Variants in FGGY observed in about 807,000 individuals in gnomAD.
The protein encoded by FGGY is FGGY carbohydrate kinase domain containing, also known as FGGY carbohydrate kinase domain-containing protein.
Under a neutral mutation model 71.3 loss-of-function variants are expected in FGGY, and 72 were observed. That is an observed-to-expected ratio of 1.01 (90% CI 0.84 to 1.23). The LOEUF is 1.23. FGGY is among the 50% of genes most tolerant of loss of function. The pLI is 0.00. For missense variants in FGGY, 668 were observed against 682.3 expected (o/e 0.98, Z 0.23); for synonymous variants, 251 against 250.3 (o/e 1.00, Z -0.02).
At chr1:59,358,644 C>T (rs1019019172) in intron 4 of FGGY, among the ~76,000 whole-genome samples, 7 of 152,188 alleles carry the variant, frequency 4.6e-5, no homozygotes, top group Admixed American at 4.6e-4. Context: ...TCTGTCTGTT[C>T]CTCTACTCAG....
chr1:59,723,117 G>A (rs1447621192), intron 14 of FGGY, among the ~76,000 whole-genome samples: 1 of 152,040 alleles, frequency 6.6e-6, no homozygotes, highest in Non-Finnish European at 1.5e-5. Flanking sequence ...TCTTGTTACT[G>A]GAGACTGGTG....
chr1:59,375,617 C>T (rs957398946), intron 4 of FGGY, among the ~76,000 whole-genome samples: 1 of 152,168 alleles, frequency 6.6e-6, no homozygotes, highest in African/African-American at 2.4e-5. Flanking sequence ...TAGAGGGCTT[C>T]CACATGTGTT....
At chr1:59,387,073 G>A (rs940494208) in intron 5 of FGGY, among the ~76,000 whole-genome samples, 2 of 151,812 alleles carry the variant, frequency 1.3e-5, no homozygotes, top group Non-Finnish European at 2.9e-5. Context: ...TGTGTTTTGG[G>A]TTTATAAGGG....
chr1:59,375,647 G>A (rs778771369), intron 4 of FGGY, among the ~76,000 whole-genome samples: 2 of 152,178 alleles, frequency 1.3e-5, no homozygotes, highest in African/African-American at 2.4e-5. Context: ...GAGAGGAGAG[G>A]TTGGACTGGG....
At chr1:59,642,707 A>T (rs2097047913) in intron 11 of FGGY, among the ~76,000 whole-genome samples, 1 of 151,518 alleles carries the variant, frequency 6.6e-6, no homozygotes, top group African/African-American at 2.4e-5. Context: ...TAGTTAGCGT[A>T]AATGTTGAAA....
At chr1:59,600,090 T>C (rs2153807906) in intron 8 of FGGY, among the ~76,000 whole-genome samples, 1 of 152,266 alleles carries the variant, frequency 6.6e-6, no homozygotes, top group Non-Finnish European at 1.5e-5. Flanking sequence ...GAGGACACTA[T>C]TTGGGTCAGG....
chr1:59,693,204 C>T (rs1385913962), intron 14 of FGGY, among the ~76,000 whole-genome samples: 3 of 152,224 alleles, frequency 2.0e-5, no homozygotes, highest in Non-Finnish European at 4.4e-5. Context: ...GACAGCTTGA[C>T]GTGCTAGAAA....
chr1:59,420,114 T>C (rs2065154504), intron 5 of FGGY, among the ~76,000 whole-genome samples: 1 of 152,228 alleles, frequency 6.6e-6, no homozygotes, highest in Non-Finnish European at 1.5e-5. Flanking sequence ...AAATTTGTTA[T>C]AAGCAGCCGC....
intron 15 of FGGY, among the ~76,000 whole-genome samples, chr1:59,758,637 T>A (rs4636499): frequency 0.03 from 4,614 of 152,290 alleles, 249 homozygotes; most frequent in African/African-American, 0.1. Flanking sequence ...AACTTTAAGC[T>A]CTTGTAAGAA....
chr1:59,491,050 C>CTTT (rs2093827436), intron 6 of FGGY, among the ~76,000 whole-genome samples: 4 of 26 alleles, frequency 0.15, 2 homozygotes, highest in African/African-American at 0.25. Flanking sequence ...TTCCTTCCTT[C>CTTT]CTTCCTTCCT....
chr1:59,604,429 T>G lies in FGGY; in HGVS notation c.904-3374T>G, dbSNP rs79094355. Among the ~76,000 whole-genome samples, 12 of 152,336 alleles carry G rather than the reference T, an allele frequency of 7.9e-5. No individual in the cohort carries two copies. The East Asian group carries it at 1.3e-3, about 17-fold the overall frequency. ...CACAGGATGTCTGAGGAGAAGCATG[T>G]GCTATTCCAGATGAGTGGGCACAAA... On this transcript the variant is annotated intron_variant, in intron 8 of 15. Coordinates refer to ENST00000303721, the MANE Select transcript of FGGY (RefSeq NM_018291.5).
chr1:59,726,178 A>C (rs1254853626), intron 14 of FGGY, among the ~76,000 whole-genome samples: 1 of 152,142 alleles, frequency 6.6e-6, no homozygotes, highest in South Asian at 2.1e-4. Context: ...TTCATTTATC[A>C]ACATGATTAT....
chr1:59,417,390 A>C (rs1022180863), intron 5 of FGGY, among the ~76,000 whole-genome samples: 1 of 152,220 alleles, frequency 6.6e-6, no homozygotes, highest in Non-Finnish European at 1.5e-5. Flanking sequence ...GCTGCTGTGA[A>C]CACTGATTGA....
intron 15 of FGGY, among the ~76,000 whole-genome samples, chr1:59,761,435 C>T (rs1469138608): frequency 6.6e-6 from 1 of 152,214 alleles, no homozygotes; most frequent in Non-Finnish European, 1.5e-5. Context: ...ACCAAAATTT[C>T]ATCATGAGGA....
intron 1 of FGGY, among the ~76,000 whole-genome samples, chr1:59,308,806 TTTA>T (rs1423041295): frequency 6.6e-6 from 1 of 152,214 alleles, no homozygotes; most frequent in Non-Finnish European, 1.5e-5. Flanking sequence ...TGCTCTATTC[TTTA>T]TTAAAAAATA....
chr1:59,540,216 A>G (rs1176433582), intron 7 of FGGY, among the ~76,000 whole-genome samples: 6 of 152,210 alleles, frequency 3.9e-5, no homozygotes, highest in Admixed American at 3.3e-4. Context: ...ATGATAGGCT[A>G]TGATTCAGCA....
intron 5 of FGGY, among the ~76,000 whole-genome samples, chr1:59,454,022 A>G (rs1250507972): frequency 6.6e-6 from 1 of 152,186 alleles, no homozygotes; most frequent in East Asian, 1.9e-4. Context: ...GTACCTCAAG[A>G]GAGAGAGCCA....
intron 14 of FGGY, among the ~76,000 whole-genome samples, chr1:59,715,377 G>A (rs963455955): frequency 1.3e-5 from 2 of 152,128 alleles, no homozygotes; most frequent in Non-Finnish European, 2.9e-5. Context: ...GGATTCAAAG[G>A]CAAAAAGTTG....
rs1461204088 is a variant in FGGY, at chr1:59,500,712, C to A, written c.671-11599C>A. Among the ~76,000 whole-genome samples the A allele has an allele frequency of 2.7e-5, 4 of 146,002 alleles. No individual in the cohort carries two copies. In the East Asian group the frequency reaches 7.9e-4, roughly 29 times the overall value. ...GGAAGAAACATGTAAAAAGACAGACCATTTCTAAGATGAAATGTGTGCTTT... is the reference window on the plus strand; with the variant it reads ...GGAAGAAACATGTAAAAAGACAGACAATTTCTAAGATGAAATGTGTGCTTT... On this transcript the variant is annotated intron_variant, in intron 6 of 15. Coordinates refer to ENST00000303721, the MANE Select transcript of FGGY (RefSeq NM_018291.5).
Sources: gnomAD v4.1 joint callset for allele counts (sites outside exome capture counted in the v4.1 genomes callset) on GRCh38, gnomAD v4.1.1 for gene constraint, MANE v1.5 for transcripts, NCBI Gene and HGNC (gene_info 2026-07-23, HGNC 2026-07-21) for gene names.